ALOX12B: variants seen among roughly 807,000 people sequenced by gnomAD.
ALOX12B encodes the protein arachidonate 12-lipoxygenase, 12R type.
In ALOX12B, 47 loss-of-function variants were observed where a neutral mutation model predicts 78.9. That is an observed-to-expected ratio of 0.60 (90% CI 0.47 to 0.76). The LOEUF (loss-of-function observed/expected upper bound fraction) is 0.76, where lower values mean the gene tolerates loss of function less well. Among genes scored for constraint, ALOX12B ranks in the 30% least tolerant of loss-of-function variants. The pLI, the probability that ALOX12B is intolerant of heterozygous loss-of-function variation, is 0.00. For missense variants in ALOX12B, 805 were observed against 922.6 expected, an observed-to-expected ratio of 0.87 and a Z score of 1.65; for synonymous variants, 370 against 374.5, an observed-to-expected ratio of 0.99 and a Z score of 0.14.
Position 8,087,672 on chromosome 17 carries a change from C to T in ALOX12B, c.-230G>A. On this transcript the variant is annotated 5_prime_UTR_variant, in exon 1 of 15. Coordinates refer to ENST00000647874, the MANE Select transcript of ALOX12B (RefSeq NM_001139.3). Reference sequence around the variant, plus strand: ...GGGTGCCGGGCAGGCCCAGGCGGAGCCCAGCTGGTGGTGAGTGAGCAGGTG... The same window carrying T: ...GGGTGCCGGGCAGGCCCAGGCGGAGTCCAGCTGGTGGTGAGTGAGCAGGTG... 4.7e-6 allele frequency: 3 copies of T among 642,430 alleles called. No homozygotes were observed. The highest frequency in any genetic ancestry group is 3.8e-5 in the South Asian group (2 of 53,314). 39.8% of individuals were successfully genotyped at this position (642,430 alleles called of 1,614,324 possible). A position where few individuals can be genotyped will look rare whatever the true frequency, so the allele number is the denominator to read the frequency against.
At chr17:8,084,101 T>C (rs940993730) in intron 2 of ALOX12B, among the ~76,000 whole-genome samples, 1 of 151,928 alleles carries the variant, frequency 6.6e-6, no homozygotes, top group African/African-American at 2.4e-5. Flanking sequence ...GAGGTTGCAG[T>C]GAGCCGAGAT....
intron 2 of ALOX12B, chr17:8,081,641 A>G (rs1404022399): frequency 2.3e-5 from 5 of 217,584 alleles, no homozygotes; most frequent in African/African-American, 6.9e-5. Context: ...TGCTATGTCC[A>G]TGTGTACACA....
chr17:8,077,334 C>A, intron 8 of ALOX12B, 141 bp from the exon 9 acceptor site: 1 of 810,838 alleles, frequency 1.2e-6, no homozygotes, highest in Non-Finnish European at 2.0e-6. Context: ...CCTGAGCACC[C>A]CTGGGCCTTT....
At chr17:8,073,042 G>T in intron 14 of ALOX12B, 92 bp from the exon 15 acceptor site, 4 of 1,599,150 alleles carry the variant, frequency 2.5e-6, no homozygotes, top group South Asian at 1.1e-5. Flanking sequence ...TTTGGTTTCA[G>T]TGGCCTCTCA....
chr17:8,086,875 G>A (rs1490199272), intron 1 of ALOX12B, among the ~76,000 whole-genome samples: 1 of 152,100 alleles, frequency 6.6e-6, no homozygotes, highest in African/African-American at 2.4e-5. Flanking sequence ...AGAGCAAAGG[G>A]GAAGGAAAGC....
chr17:8,073,332 A>C lies in ALOX12B; in HGVS notation c.1756-14T>G. The stretch of plus-strand genomic sequence containing the variant: ...GGTGAACTCCATCTGGAGGTGGGAT[A>C]GAGGCGCGGGTCTGGGTGGAAGAGT... On this transcript the variant is annotated splice_polypyrimidine_tract_variant and intron_variant, in intron 13 of 14. Coordinates refer to ENST00000647874, the MANE Select transcript of ALOX12B (RefSeq NM_001139.3). 6.2e-7 allele frequency: 1 copy of C among 1,614,056 alleles called. No homozygotes were observed. Among genetic ancestry groups the C allele is most frequent in the South Asian group, 1.1e-5 (1 of 91,080 alleles).
At chr17:8,086,924 C>T (rs1420523202) in intron 1 of ALOX12B, among the ~76,000 whole-genome samples, 1 of 151,540 alleles carries the variant, frequency 6.6e-6, no homozygotes, top group African/African-American at 2.4e-5. Flanking sequence ...GCAGGATAGG[C>T]AGAGACAGGG....
chr17:8,082,024 G>A (rs571087316), intron 2 of ALOX12B, among the ~76,000 whole-genome samples: 198 of 152,264 alleles, frequency 1.3e-3, no homozygotes, highest in African/African-American at 4.6e-3. Flanking sequence ...TTTCACTTAA[G>A]ATAATGACTT....
At chr17:8,087,156 G>A in intron 1 of ALOX12B, 140 bp downstream of exon 1, 1 of 1,284,698 alleles carries the variant, frequency 7.8e-7, no homozygotes, top group Non-Finnish European at 1.1e-6. Context: ...TCCTCGCCAA[G>A]CTCAGCTCAC....
Position 8,075,635 on chromosome 17 carries a change from C to T in ALOX12B, c.1614G>A (p.Gln538=), listed in dbSNP as rs1453535634. 6.2e-7 allele frequency: 1 copy of T among 1,614,194 alleles called. No individual in the cohort carries two copies. Among genetic ancestry groups the T allele is most frequent in the Non-Finnish European group, 8.5e-7 (1 of 1,180,038 alleles). Residue 538 remains glutamine, a synonymous_variant, in exon 12 of 15, where the codon CAG becomes CAA. Transcript: ENST00000647874. ...CCAGGAGGCACTCTTTAAATATTTC[C>T]TGCACCCAAGACTGCAATTCCGGAT... The part of the protein sequence containing the change: ...EGDPELQSWV[Q]EIFKECLLGR...
Position 8,076,973 on chromosome 17 carries a change from T to C in ALOX12B, c.1275+17A>G, listed in dbSNP as rs1413115978. On this transcript the variant is annotated intron_variant, in intron 9 of 14. Coordinates refer to ENST00000647874, the MANE Select transcript of ALOX12B (RefSeq NM_001139.3). ...GGCCATGATGCCTGGGGGAGGCCCC[T>C]TCTCCCAAGCCCATACCTTGTAGAG... 1.2e-6 allele frequency: 2 copies of C among 1,609,756 alleles called. No individual in the cohort carries two copies. Among genetic ancestry groups the C allele is most frequent in the Admixed American group, 1.7e-5 (1 of 59,858 alleles).
intron 12 of ALOX12B, 139 bp from the exon 13 acceptor site, chr17:8,073,896 G>C: frequency 1.4e-6 from 1 of 734,822 alleles, no homozygotes; most frequent in South Asian, 1.5e-5. Flanking sequence ...TCCTGCCTGC[G>C]TGACCCTCCT....
intron 12 of ALOX12B, among the ~76,000 whole-genome samples, 176 bp downstream of exon 12, chr17:8,075,419 G>T (rs1213520351): frequency 6.6e-6 from 1 of 152,192 alleles, no homozygotes; most frequent in African/African-American, 2.4e-5. Context: ...TCTCTGAGAT[G>T]CCACTGCTCC....
chr17:8,081,839 C>A (rs544737931), intron 2 of ALOX12B, among the ~76,000 whole-genome samples: 1 of 152,122 alleles, frequency 6.6e-6, no homozygotes, highest in Admixed American at 6.5e-5. Context: ...CACGTGGTTT[C>A]GCCATGTTGT....
chr17:8,079,813 C>G lies in ALOX12B; in HGVS notation c.883G>C (p.Ala295Pro), dbSNP rs1977168997. ...DKFPVTDDMV[A>P]PFLGEGTCLQ... ...CACGTTCCCTCGCCCAGGAACGGAG[C>G]CACCATGTCGTCTGTGACGGGGAAC... is the stretch of plus-strand genomic sequence containing the variant. The change falls in exon 7 of 15, where the codon GCT (alanine) becomes CCT (proline). Residue 295 changes from alanine to proline, a missense_variant. By Grantham distance (27) the Ala-to-Pro change is conservative (BLOSUM62 -1). Coordinates refer to ENST00000647874, the MANE Select transcript of ALOX12B (RefSeq NM_001139.3). This position sits in a 1 kb window ranked among gnomAD's most constrained non-coding sequence, Gnocchi z 6.4. 6.2e-7 allele frequency: 1 copy of G among 1,613,322 alleles called. No homozygotes were observed. The highest frequency in any genetic ancestry group is 8.5e-7 in the Non-Finnish European group (1 of 1,179,952).
chr17:8,079,252 G>T lies in ALOX12B; in HGVS notation c.1071+144C>A. ...GCATCTGCAGATTTTGGCATCCCGG[G>T]GAGGTCCTGGAACCAATCTCTCAAG... On this transcript the variant is annotated intron_variant, in intron 8 of 14. Coordinates refer to ENST00000647874, the MANE Select transcript of ALOX12B (RefSeq NM_001139.3). This position sits in a 1 kb window ranked among gnomAD's most constrained non-coding sequence, Gnocchi z 6.4. 2 of 1,251,428 alleles carry T rather than the reference G, an allele frequency of 1.6e-6. No individual in the cohort carries two copies. Among genetic ancestry groups the T allele is most frequent in the Non-Finnish European group, 2.1e-6 (2 of 930,648 alleles). The allele number at this position is 1,251,428 out of a possible 1,614,324, so 77.5% of individuals were successfully genotyped here.
In ALOX12B at chr17:8,079,491, T is replaced by A. The variant is rs1480007900; in HGVS notation, c.976A>T (p.Thr326Ser). 1 of 1,550,688 alleles carries A rather than the reference T, an allele frequency of 6.4e-7. No homozygotes were observed. Among genetic ancestry groups the A allele is most frequent in the Non-Finnish European group, 8.7e-7 (1 of 1,146,952 alleles). The change falls in exon 8 of 15, where the codon ACC (threonine) becomes TCC (serine). Residue 326 changes from threonine to serine, a missense_variant. Coordinates refer to ENST00000647874, the MANE Select transcript of ALOX12B (RefSeq NM_001139.3). The surrounding 1 kb of genome is among the most constrained non-coding windows in gnomAD (Gnocchi z 6.4). Reference protein sequence around the residue: ...ADYRIMEGIPTVELSGRKQHH... With the variant: ...ADYRIMEGIPSVELSGRKQHH... Reference sequence around the variant, plus strand: ...TGCTTCCGGCCGCTGAGCTCCACGGTGGGGATGCCCTCCATGATGCGGTAG... The same window carrying A: ...TGCTTCCGGCCGCTGAGCTCCACGGAGGGGATGCCCTCCATGATGCGGTAG...
rs983177638 is a variant in ALOX12B, at chr17:8,076,563, G to T, written c.1362+94C>A. ...CCCTCCCTTCATGCCCCCTCATGATGACCCAAAGGCAAATGGGAAGTCCTC... is the reference window on the plus strand; with the variant it reads ...CCCTCCCTTCATGCCCCCTCATGATTACCCAAAGGCAAATGGGAAGTCCTC... On this transcript the variant is annotated intron_variant, in intron 10 of 14. Coordinates refer to ENST00000647874, the MANE Select transcript of ALOX12B (RefSeq NM_001139.3). 30 of 1,423,828 alleles carry T rather than the reference G, an allele frequency of 2.1e-5. No individual in the cohort carries two copies. In the Middle Eastern group the frequency reaches 7.0e-4, roughly 33 times the overall value. The allele number at this position is 1,423,828 out of a possible 1,614,324, so 88.2% of individuals were successfully genotyped here. A position where few individuals can be genotyped will look rare whatever the true frequency, so the allele number is the denominator to read the frequency against.
chr17:8,073,429 G>A, intron 13 of ALOX12B, 111 bp from the exon 14 acceptor site: 1 of 1,479,308 alleles, frequency 6.8e-7, no homozygotes, highest in South Asian at 1.1e-5. Flanking sequence ...CCCCGCCCTT[G>A]GCGCTGAGGC....
Sources: gnomAD v4.1 joint callset for allele counts (sites outside exome capture counted in the v4.1 genomes callset) on GRCh38, gnomAD v4.1.1 for gene constraint, Gnocchi (gnomAD v3.1) non-coding constraint, MANE v1.5 for transcripts, NCBI Gene and HGNC (gene_info 2026-07-23, HGNC 2026-07-21) for gene names.